Variants in RASAL2 observed in about 807,000 individuals in gnomAD.
RASAL2 encodes the protein ras GTPase-activating protein nGAP.
RASAL2 carries 58 observed loss-of-function variants against 128.9 expected under a neutral mutation model. The observed-to-expected ratio is 0.45, with a 90% CI of 0.36 to 0.56. The LOEUF (loss-of-function observed/expected upper bound fraction) is 0.56. Among genes scored for constraint, RASAL2 ranks in the 20% least tolerant of loss-of-function variants. RASAL2 has a pLI of 0.00. For synonymous variants in RASAL2, 561 were observed against 580.8 expected, an observed-to-expected ratio of 0.97 and a Z score of 0.49; for missense variants, 1,360 against 1,601.6, an observed-to-expected ratio of 0.85 and a Z score of 2.57.
intron 1 of RASAL2, among the ~76,000 whole-genome samples, chr1:178,257,286 T>G (rs979056982): frequency 3.3e-5 from 5 of 152,102 alleles, no homozygotes; most frequent in Non-Finnish European, 5.9e-5. Context: ...ATTCTAAAAT[T>G]TATATGGAAT....
chr1:178,117,999 G>C (rs1018171008), intron 1 of RASAL2, among the ~76,000 whole-genome samples: 2 of 151,616 alleles, frequency 1.3e-5, no homozygotes, highest in Non-Finnish European at 2.9e-5. Flanking sequence ...ACTCCGTCTC[G>C]ACTAAATACA....
chr1:178,244,324 C>G (rs1178213161), intron 1 of RASAL2, among the ~76,000 whole-genome samples: 2 of 152,086 alleles, frequency 1.3e-5, no homozygotes, highest in East Asian at 3.9e-4. Flanking sequence ...CTCACTGCAA[C>G]CTCTGCCTCT....
chr1:178,243,644 C>T (rs1180055953), intron 1 of RASAL2, among the ~76,000 whole-genome samples: 1 of 151,790 alleles, frequency 6.6e-6, no homozygotes, highest in Non-Finnish European at 1.5e-5. Context: ...TAAATAGCCC[C>T]AGGTATTTTC....
At chr1:178,374,711 G>A (rs1014854431) in intron 3 of RASAL2, among the ~76,000 whole-genome samples, 1 of 152,082 alleles carries the variant, frequency 6.6e-6, no homozygotes, top group East Asian at 1.9e-4. Flanking sequence ...TTTTAGAGGA[G>A]AAAATCCCCA....
chr1:178,175,210 T>C lies in RASAL2; in HGVS notation c.202+80516T>C, dbSNP rs74128871. Among the ~76,000 whole-genome samples, 849 of 152,288 alleles carry C rather than the reference T, an allele frequency of 5.6e-3. 10 individuals carry two copies. The highest frequency in any genetic ancestry group is 0.019 in the African/African-American group (795 of 41,558). ...GTTTTTTTCCCTTATAGTTAAGTTA[T>C]GGGAATGATTAATGCTGTTAATTTA... On this transcript the variant is annotated intron_variant, in intron 1 of 17. Coordinates refer to ENST00000367649, the MANE Select transcript of RASAL2 (RefSeq NM_170692.4).
At chr1:178,216,127 T>A (rs1026461732) in intron 1 of RASAL2, among the ~76,000 whole-genome samples, 5 of 152,200 alleles carry the variant, frequency 3.3e-5, no homozygotes, top group African/African-American at 1.2e-4. Context: ...AAAGACTGGA[T>A]CTCAGATGTT....
In RASAL2 at chr1:178,114,588, A is replaced by C. The variant is rs868266758; in HGVS notation, c.202+19894A>C. Among the ~76,000 whole-genome samples the C allele has an allele frequency of 1.1e-3, 165 of 150,464 alleles. 1 individual carries two copies. The highest frequency in any genetic ancestry group is 3.8e-3 in the African/African-American group (155 of 40,866). On this transcript the variant is annotated intron_variant, in intron 1 of 17. Transcript: ENST00000367649. ...CCAGGCTGGAGTGCAATGGCGGGAT[A>C]TCTGCTCACTGCAAGCTCCGCCTCC...
chr1:178,238,148 A>G (rs1664336540), intron 1 of RASAL2, among the ~76,000 whole-genome samples: 1 of 152,204 alleles, frequency 6.6e-6, no homozygotes. Flanking sequence ...AGATTTGCTT[A>G]TAGATGCTAT....
At chr1:178,392,530 A>G (rs964667411) in intron 4 of RASAL2, among the ~76,000 whole-genome samples, 14 of 152,350 alleles carry the variant, frequency 9.2e-5, no homozygotes, top group African/African-American at 3.4e-4. Flanking sequence ...CTGAAGCATT[A>G]AAGATGTGTT....
At chr1:178,351,812 A>G (rs1356790081) in intron 3 of RASAL2, among the ~76,000 whole-genome samples, 1 of 152,064 alleles carries the variant, frequency 6.6e-6, no homozygotes, top group Non-Finnish European at 1.5e-5. Flanking sequence ...GAAAGCGGCT[A>G]CAGGCCCCAT....
intron 3 of RASAL2, among the ~76,000 whole-genome samples, chr1:178,352,157 A>G (rs1434288287): frequency 2.0e-5 from 3 of 152,226 alleles, no homozygotes; most frequent in Non-Finnish European, 4.4e-5. Flanking sequence ...ATTTTTAGCA[A>G]TCGAGAATTA....
At chr1:178,347,459 T>TA (rs1284248839) in intron 3 of RASAL2, among the ~76,000 whole-genome samples, 2 of 152,180 alleles carry the variant, frequency 1.3e-5, no homozygotes, top group Admixed American at 6.5e-5. Context: ...CGTTTGATCA[T>TA]AATATATAAC....
chr1:178,370,457 A>G (rs2102514508), intron 3 of RASAL2, among the ~76,000 whole-genome samples: 1 of 152,334 alleles, frequency 6.6e-6, no homozygotes, highest in Non-Finnish European at 1.5e-5. Context: ...TTTTACACCT[A>G]TTTTTGTACT....
chr1:178,285,415 C>T (rs897086067), intron 2 of RASAL2, among the ~76,000 whole-genome samples: 7 of 152,104 alleles, frequency 4.6e-5, no homozygotes, highest in Admixed American at 6.5e-5. Context: ...CCACCGCGCC[C>T]GGCCGGCATT....
chr1:178,119,992 G>C (rs911293257), intron 1 of RASAL2, among the ~76,000 whole-genome samples: 4 of 152,210 alleles, frequency 2.6e-5, no homozygotes, highest in Non-Finnish European at 5.9e-5. Context: ...TAGCAATGCC[G>C]TTAGCTACTA....
At chr1:178,107,092 T>G (rs538469009) in intron 1 of RASAL2, among the ~76,000 whole-genome samples, 80 of 152,292 alleles carry the variant, frequency 5.3e-4, no homozygotes, top group African/African-American at 1.8e-3. Context: ...TCAACAAACT[T>G]ATTAAACATG....
rs545672950 is a variant in RASAL2, at chr1:178,289,050, A to T, written c.330+5359A>T. 2.6e-5 allele frequency among the ~76,000 whole-genome samples: 4 copies of T among 152,072 alleles called. No individual in the cohort carries two copies. The South Asian group carries it at 8.3e-4, about 32-fold the overall frequency. Reference sequence around the variant, plus strand: ...CTCCTTTATAACACAAATTCTCAAAACTTCTATGCTCATTGTCTTTAATTC... The same window carrying T: ...CTCCTTTATAACACAAATTCTCAAATCTTCTATGCTCATTGTCTTTAATTC... On this transcript the variant is annotated intron_variant, in intron 2 of 17. Transcript: ENST00000367649.
intron 14 of RASAL2, among the ~76,000 whole-genome samples, chr1:178,463,055 T>C (rs1410232133): frequency 6.6e-6 from 1 of 152,118 alleles, no homozygotes; most frequent in African/African-American, 2.4e-5. Context: ...AAATACCCCT[T>C]CTTTTAAAAT....
Position 178,472,996 on chromosome 1 carries a change from A to G in RASAL2, c.3679-79A>G, listed in dbSNP as rs1443944625. ...TGCATACAACTGTTTGAGAGAAAGCACTGGACTAGTCATTCAGTAAAGAAA... is the reference window on the plus strand; with the variant it reads ...TGCATACAACTGTTTGAGAGAAAGCGCTGGACTAGTCATTCAGTAAAGAAA... On this transcript the variant is annotated intron_variant, in intron 17 of 17. Coordinates refer to ENST00000367649, the MANE Select transcript of RASAL2 (RefSeq NM_170692.4). 3 of 1,508,428 alleles carry G rather than the reference A, an allele frequency of 2.0e-6. No individual in the cohort carries two copies. The East Asian group carries it at 6.8e-5, about 34-fold the overall frequency. 93.4% of individuals were successfully genotyped at this position (1,508,428 alleles called of 1,614,324 possible). A position where few individuals can be genotyped will look rare whatever the true frequency, so the allele number is the denominator to read the frequency against.
Sources: gnomAD v4.1 joint callset for allele counts (sites outside exome capture counted in the v4.1 genomes callset) on GRCh38, gnomAD v4.1.1 for gene constraint, MANE v1.5 for transcripts, NCBI Gene and HGNC (gene_info 2026-07-23, HGNC 2026-07-21) for gene names.